The following NEXMIF variants were observed in gnomAD, a reference collection of about 807,000 sequenced individuals.
NEXMIF encodes the protein XLMR protein related to neurite extension.
In NEXMIF, 8 loss-of-function variants were observed where a neutral mutation model predicts 62.1. The observed-to-expected ratio is 0.13, with a 90% CI of 0.08 to 0.23. The LOEUF is 0.23. NEXMIF is among the 10% of genes least tolerant of loss of function. The probability of loss-of-function intolerance (pLI) is 1.00; values close to 1 mark genes in which losing one functional copy is unlikely to be tolerated. For missense variants in NEXMIF, 976 were observed against 1,113.3 expected, an observed-to-expected ratio of 0.88 and a Z score of 1.75; for synonymous variants, 404 against 416.6, an observed-to-expected ratio of 0.97 and a Z score of 0.37.
chrX:74,921,255 A>T (rs1042086454), intron 1 of NEXMIF, among the ~76,000 whole-genome samples: 3 of 110,843 alleles, frequency 2.7e-5, no homozygotes, highest in African/African-American at 6.6e-5. Flanking sequence ...GAGACAATGA[A>T]GGTCCTCACG....
In NEXMIF at chrX:74,796,271, T is replaced by C. The variant is rs1205089922; in HGVS notation, c.-47-50574A>G. Among the ~76,000 whole-genome samples the C allele has an allele frequency of 1.4e-4, 7 of 51,257 alleles. No homozygotes were observed. In the Admixed American group the frequency reaches 1.5e-3, roughly 11 times the overall value. The allele number at this position is 51,257 out of a possible 115,157, so 44.5% of individuals were successfully genotyped here. A position where few individuals can be genotyped will look rare whatever the true frequency, so the allele number is the denominator to read the frequency against. Reference sequence around the variant, plus strand: ...ACATATATATTATATATATTATATATATACATATATATTATATATATTATA... The same window carrying C: ...ACATATATATTATATATATTATATACATACATATATATTATATATATTATA... On this transcript the variant is annotated intron_variant, in intron 1 of 3. Transcript: ENST00000055682.
intron 1 of NEXMIF, among the ~76,000 whole-genome samples, chrX:74,886,139 G>A (rs2080691928): frequency 9.0e-6 from 1 of 111,466 alleles, no homozygotes; most frequent in African/African-American, 3.3e-5. Context: ...GGTATTGATG[G>A]GACGTATCTC....
At chrX:74,891,179 C>A (rs1393848637) in intron 1 of NEXMIF, among the ~76,000 whole-genome samples, 1 of 111,838 alleles carries the variant, frequency 8.9e-6, no homozygotes, top group Non-Finnish European at 1.9e-5. Flanking sequence ...GCTCCACTTA[C>A]TACCCTCTCC....
At chrX:74,830,443 G>A (rs2080432351) in intron 1 of NEXMIF, among the ~76,000 whole-genome samples, 1 of 111,243 alleles carries the variant, frequency 9.0e-6, no homozygotes, top group South Asian at 3.7e-4. Flanking sequence ...TGCTGTTTTG[G>A]TTACCATAGC....
At chrX:74,740,019 G>C in intron 3 of NEXMIF, 81 bp downstream of exon 3, 1 of 949,906 alleles carries the variant, frequency 1.1e-6, no homozygotes, top group Admixed American at 3.0e-5. Flanking sequence ...TTTCAAGAGG[G>C]AAAAAATGAG....
chrX:74,909,439 T>C (rs2147372970), intron 1 of NEXMIF, among the ~76,000 whole-genome samples: 1 of 112,116 alleles, frequency 8.9e-6, no homozygotes, highest in South Asian at 3.7e-4. Flanking sequence ...TTAGGGTATC[T>C]GGTGGAATAA....
At chrX:74,863,098 G>T (rs1055719079) in intron 1 of NEXMIF, among the ~76,000 whole-genome samples, 1 of 109,529 alleles carries the variant, frequency 9.1e-6, no homozygotes, top group Non-Finnish European at 1.9e-5. Context: ...CTTGAACCCA[G>T]GAGGCAGAGG....
At chrX:74,917,737 A>T (rs1014815030) in intron 1 of NEXMIF, among the ~76,000 whole-genome samples, 1 of 111,486 alleles carries the variant, frequency 9.0e-6, no homozygotes, top group African/African-American at 3.3e-5. Context: ...TGGCTAAGAG[A>T]AATATATAGA....
intron 1 of NEXMIF, among the ~76,000 whole-genome samples, chrX:74,804,923 C>A (rs2147472077): frequency 8.9e-6 from 1 of 112,157 alleles, no homozygotes; most frequent in Non-Finnish European, 1.9e-5. Flanking sequence ...GTTCCAACCA[C>A]TAGATGTGCG....
intron 1 of NEXMIF, among the ~76,000 whole-genome samples, chrX:74,895,426 C>T (rs1045026423): frequency 2.7e-5 from 3 of 111,654 alleles, no homozygotes; most frequent in Non-Finnish European, 5.6e-5. Flanking sequence ...ATCAAAATAT[C>T]AATGACATTA....
chrX:74,841,318 C>T (rs944465343), intron 1 of NEXMIF, among the ~76,000 whole-genome samples: 3 of 111,856 alleles, frequency 2.7e-5, no homozygotes, highest in Non-Finnish European at 5.6e-5. Flanking sequence ...GATTCTTGTA[C>T]ATTGATTTTG....
At chrX:74,874,480 T>C (rs2080620099) in intron 1 of NEXMIF, among the ~76,000 whole-genome samples, 1 of 110,779 alleles carries the variant, frequency 9.0e-6, no homozygotes, top group African/African-American at 3.3e-5. Context: ...ATGTGGGCTC[T>C]TTTTTGGTTC....
intron 1 of NEXMIF, among the ~76,000 whole-genome samples, chrX:74,898,983 C>G (rs1273125023): frequency 9.0e-6 from 1 of 111,505 alleles, no homozygotes. Flanking sequence ...AAAGAAGACA[C>G]TAATAAATGG....
intron 1 of NEXMIF, among the ~76,000 whole-genome samples, chrX:74,888,685 G>C (rs1297996833): frequency 2.8e-5 from 3 of 106,205 alleles, no homozygotes; most frequent in Admixed American, 1.1e-4. Flanking sequence ...AGAATCTAAA[G>C]TACAATAAAA....
At position 74,754,047 on chromosome X, in the gene NEXMIF, G is replaced by A. The variant is rs377485678; in HGVS notation, c.-47-8350C>T. Among the ~76,000 whole-genome samples, 7 of 107,791 alleles carry A rather than the reference G, an allele frequency of 6.5e-5. No homozygotes were observed. In the Admixed American group the frequency reaches 6.9e-4, roughly 11 times the overall value. 93.6% of individuals were successfully genotyped at this position (107,791 alleles called of 115,157 possible). A position where few individuals can be genotyped will look rare whatever the true frequency, so the allele number is the denominator to read the frequency against. On this transcript the variant is annotated intron_variant, in intron 1 of 3. Coordinates refer to ENST00000055682, the MANE Select transcript of NEXMIF (RefSeq NM_001008537.3). ...TGTGATCTCAGCTCACTGCAACCTC[G>A]GCCTCCAGGGTTCAGGTGATTCTCC... is the stretch of plus-strand genomic sequence containing the variant.
intron 1 of NEXMIF, among the ~76,000 whole-genome samples, chrX:74,819,551 G>C (rs1602238916): frequency 3.6e-5 from 4 of 111,878 alleles, no homozygotes; most frequent in Non-Finnish European, 7.5e-5. Context: ...CTTTTCAAAC[G>C]AAGACATTTA....
At chrX:74,881,469 C>A (rs1029207260) in intron 1 of NEXMIF, among the ~76,000 whole-genome samples, 4 of 109,568 alleles carry the variant, frequency 3.7e-5, no homozygotes, top group African/African-American at 1.4e-4. Context: ...ACAAATAATT[C>A]TCTGAGACCC....
chrX:74,769,857 G>C (rs2080204803), intron 1 of NEXMIF: 2 of 355,671 alleles, frequency 5.6e-6, no homozygotes, highest in East Asian at 9.1e-5. Context: ...AAGATACACT[G>C]TATGTACCAC....
At chrX:74,812,090 T>G (rs1333525878) in intron 1 of NEXMIF, among the ~76,000 whole-genome samples, 1 of 113,121 alleles carries the variant, frequency 8.8e-6, no homozygotes, top group African/African-American at 3.2e-5. Context: ...TAGTGAAGAT[T>G]AGACAGAAGG....
Sources: allele counts gnomAD v4.1 joint callset (sites outside exome capture counted in the v4.1 genomes callset), GRCh38; gene constraint gnomAD v4.1.1; transcripts MANE v1.5; gene names NCBI Gene and HGNC (gene_info 2026-07-23, HGNC 2026-07-21).